Variants in ATP2B4 observed in about 807,000 individuals in gnomAD.
The protein encoded by ATP2B4 is ATPase plasma membrane Ca2+ transporting 4.
In ATP2B4, 39 loss-of-function variants were observed where a neutral mutation model predicts 110.3. The observed-to-expected ratio is 0.35, with a 90% CI of 0.27 to 0.46. The LOEUF (loss-of-function observed/expected upper bound fraction) is 0.46, where lower values mean the gene tolerates loss of function less well. Among genes scored for constraint, ATP2B4 ranks in the 20% least tolerant of loss-of-function variants. ATP2B4 has a pLI of 1.00. For synonymous variants in ATP2B4, 538 were observed against 571.7 expected, an observed-to-expected ratio of 0.94 and a Z score of 0.84; for missense variants, 1,135 against 1,530.9, an observed-to-expected ratio of 0.74 and a Z score of 4.32.
At chr1:203,706,878 T>C (rs1393607208) in intron 8 of ATP2B4, 131 bp from the exon 9 acceptor site, 2 of 720,158 alleles carry the variant, frequency 2.8e-6, no homozygotes, top group Non-Finnish European at 4.6e-6. Context: ...GGGGGGATTT[T>C]AGTAAGTCTT....
In ATP2B4 at chr1:203,700,943, A is replaced by T; in HGVS notation, c.901+20A>T. ...AGAAAGGTAAGGGGCATCTGGAATG[A>T]GATTCTCTTTCCTCTCATCCCCATG... is the stretch of plus-strand genomic sequence containing the variant. On this transcript the variant is annotated intron_variant, in intron 6 of 20. Transcript: ENST00000357681. 8 of 1,608,186 alleles carry T rather than the reference A, an allele frequency of 5.0e-6. No individual in the cohort carries two copies. Among genetic ancestry groups the T allele is most frequent in the Non-Finnish European group, 6.8e-6 (8 of 1,176,402 alleles).
chr1:203,671,635 C>T (rs773531045), intron 1 of ATP2B4, among the ~76,000 whole-genome samples: 10 of 152,180 alleles, frequency 6.6e-5, no homozygotes, highest in African/African-American at 1.2e-4. Flanking sequence ...CTCTGGTGCC[C>T]GAGACATATG....
chr1:203,712,614 G>A (rs1198014437), intron 13 of ATP2B4, among the ~76,000 whole-genome samples: 1 of 151,476 alleles, frequency 6.6e-6, no homozygotes, highest in South Asian at 2.1e-4. Flanking sequence ...AAAAGAGGGG[G>A]GGAGTTGCTT....
intron 20 of ATP2B4, chr1:203,728,255 T>G: frequency 2.2e-6 from 1 of 462,912 alleles, no homozygotes. Flanking sequence ...AAGCCACCCC[T>G]GCTGCTCTTA....
At chr1:203,728,487 A>G (rs1424079847) in intron 20 of ATP2B4, among the ~76,000 whole-genome samples, 2 of 152,176 alleles carry the variant, frequency 1.3e-5, no homozygotes, top group Non-Finnish European at 2.9e-5. Flanking sequence ...AAACAGGCGT[A>G]TTTCTCTCTG....
chr1:203,682,955 G>A lies in ATP2B4; in HGVS notation c.-251G>A. ...GGGACACCAATCATCGTGACACGGA[G>A]TCCACCTTCCACTCAGTTCCCCCAT... is the stretch of plus-strand genomic sequence containing the variant. On this transcript the variant is annotated 5_prime_UTR_variant, in exon 2 of 21. Coordinates refer to ENST00000357681, the MANE Select transcript of ATP2B4 (RefSeq NM_001684.5). 1 of 419,096 alleles carries A rather than the reference G, an allele frequency of 2.4e-6. No individual in the cohort carries two copies. Among genetic ancestry groups the A allele is most frequent in the South Asian group, 3.5e-5 (1 of 28,668 alleles). The allele number at this position is 419,096 out of a possible 1,614,324, so 26.0% of individuals were successfully genotyped here. A position where few individuals can be genotyped will look rare whatever the true frequency, so the allele number is the denominator to read the frequency against.
intron 1 of ATP2B4, among the ~76,000 whole-genome samples, chr1:203,649,598 C>T (rs1663913226): frequency 6.6e-6 from 1 of 152,050 alleles, no homozygotes; most frequent in Admixed American, 6.6e-5. Flanking sequence ...TGGGGAAACC[C>T]CATCTCTACC....
At chr1:203,702,359 G>A (rs530689531) in intron 7 of ATP2B4, among the ~76,000 whole-genome samples, 2 of 152,254 alleles carry the variant, frequency 1.3e-5, no homozygotes, top group South Asian at 4.1e-4. Flanking sequence ...TCTTCCTAGG[G>A]AGCTGAACTC....
chr1:203,680,019 C>T (rs1280827074), intron 1 of ATP2B4, among the ~76,000 whole-genome samples: 1 of 147,794 alleles, frequency 6.8e-6, no homozygotes, highest in East Asian at 2.0e-4. Context: ...CAAGATCGCA[C>T]GACTGCATTC....
Position 203,713,272 on chromosome 1 carries a change from A to T in ATP2B4, c.2299+20A>T. ...TGAAAGGTGAGGTTGGCTTCCAAAT[A>T]GGTGCCTGCAACAGCTGAAGGCAGG... On this transcript the variant is annotated intron_variant, in intron 14 of 20. Transcript: ENST00000357681. 6.2e-7 allele frequency: 1 copy of T among 1,613,888 alleles called. No homozygotes were observed. The highest frequency in any genetic ancestry group is 8.5e-7 in the Non-Finnish European group (1 of 1,179,852).
chr1:203,723,446 C>A, intron 18 of ATP2B4, among the ~76,000 whole-genome samples: 1 of 135,720 alleles, frequency 7.4e-6, no homozygotes. Context: ...CTCTCTCTCT[C>A]TCTCTCTCTC....
At chr1:203,711,172 T>C in intron 12 of ATP2B4, 64 bp downstream of exon 12, 1 of 1,514,246 alleles carries the variant, frequency 6.6e-7, no homozygotes, top group South Asian at 1.1e-5. Context: ...TTTCTAGTTG[T>C]GACCCCAGGC....
At chr1:203,689,168 G>A (rs535322263) in intron 2 of ATP2B4, among the ~76,000 whole-genome samples, 5 of 152,322 alleles carry the variant, frequency 3.3e-5, no homozygotes, top group Admixed American at 1.3e-4. Context: ...TCATGGCCTC[G>A]TGAGTGGAAG....
chr1:203,721,260 T>C lies in ATP2B4; in HGVS notation c.2662T>C (p.Leu888=). ...TCTGATCATGGACACTTTTGCTTCA[T>C]TGGCCCTGGCCACAGAGCCCCCTAC... ...VNLIMDTFAS[L]ALATEPPTES... Residue 888 remains leucine (L), a synonymous_variant, in exon 17 of 21, where the codon TTG becomes CTG. Transcript: ENST00000357681. 6.2e-7 allele frequency: 1 copy of C among 1,614,248 alleles called. No homozygotes were observed. The highest frequency in any genetic ancestry group is 8.5e-7 in the Non-Finnish European group (1 of 1,180,036).
intron 20 of ATP2B4, among the ~76,000 whole-genome samples, chr1:203,731,649 A>G (rs566146164): frequency 2.6e-5 from 4 of 151,728 alleles, no homozygotes; most frequent in Non-Finnish European, 5.9e-5. Flanking sequence ...CAGGAGTTCG[A>G]GACCAGCCTG....
chr1:203,681,099 T>C (rs1311973260), intron 1 of ATP2B4, among the ~76,000 whole-genome samples: 1 of 152,224 alleles, frequency 6.6e-6, no homozygotes, highest in Non-Finnish European at 1.5e-5. Flanking sequence ...AGGTTCTTTG[T>C]GGATCTTCTT....
chr1:203,657,341 A>G (rs1454679120), intron 1 of ATP2B4: 7 of 745,240 alleles, frequency 9.4e-6, no homozygotes, highest in Non-Finnish European at 1.7e-5. Flanking sequence ...CTGTTCAAAC[A>G]ACTTTTAATA....
chr1:203,724,590 C>CA (rs201344415), intron 19 of ATP2B4, among the ~76,000 whole-genome samples: 24,164 of 148,350 alleles, frequency 0.16, 2,011 homozygotes, highest in South Asian at 0.26. Context: ...AATTTTGCTA[C>CA]AAAAAAAAAA....
At chr1:203,696,621 T>C (rs906994862) in intron 2 of ATP2B4, among the ~76,000 whole-genome samples, 1 of 152,206 alleles carries the variant, frequency 6.6e-6, no homozygotes, top group Non-Finnish European at 1.5e-5. Flanking sequence ...CATGGTAGGA[T>C]TGCCCCTCTT....
Sources: allele counts gnomAD v4.1 joint callset (sites outside exome capture counted in the v4.1 genomes callset), GRCh38; gene constraint gnomAD v4.1.1; transcripts MANE v1.5; gene names NCBI Gene and HGNC (gene_info 2026-07-23, HGNC 2026-07-21).